PCDHGB4: variants seen among roughly 807,000 people sequenced by gnomAD.
The protein encoded by PCDHGB4 is protocadherin gamma-B4.
Under a neutral mutation model 60.5 loss-of-function variants are expected in PCDHGB4, and 38 were observed. That is an observed-to-expected ratio of 0.63 (90% confidence interval 0.48 to 0.82). The LOEUF is 0.82. PCDHGB4 is among the 40% of genes least tolerant of loss of function. PCDHGB4 has a pLI of 0.00. For synonymous variants in PCDHGB4, 456 were observed against 509.7 expected (o/e 0.89, Z 1.42); for missense variants, 1,109 against 1,209.6 (o/e 0.92, Z 1.23).
intron 1 of PCDHGB4, chr5:141,428,285 C>G (rs765814584): frequency 1.1e-5 from 8 of 734,934 alleles, no homozygotes; most frequent in Non-Finnish European, 1.7e-5. Context: ...GATTCCCAAG[C>G]AAAGCTGCAG....
chr5:141,471,562 G>T (rs2099259935), intron 1 of PCDHGB4: 1 of 152,136 alleles, frequency 6.6e-6, no homozygotes, highest in Non-Finnish European at 1.5e-5. Flanking sequence ...TTGACTCAGG[G>T]GTAGCAGTAG....
intron 1 of PCDHGB4, chr5:141,394,386 A>T (rs765454423): frequency 1.2e-6 from 2 of 1,614,210 alleles, no homozygotes; most frequent in South Asian, 1.1e-5. Context: ...CTATGAGCAG[A>T]TCCGAGACCT....
At chr5:141,460,122 G>A (rs530307574) in intron 1 of PCDHGB4, among the ~76,000 whole-genome samples, 2 of 151,928 alleles carry the variant, frequency 1.3e-5, no homozygotes, top group African/African-American at 4.8e-5. Flanking sequence ...TTTTATATAT[G>A]TAATATATAT....
intron 2 of PCDHGB4, among the ~76,000 whole-genome samples, chr5:141,500,904 C>T (rs2099803610): frequency 6.6e-6 from 1 of 151,662 alleles, no homozygotes; most frequent in Non-Finnish European, 1.5e-5. Context: ...CAGTCTCGCT[C>T]TGTCTCCAGG....
intron 1 of PCDHGB4, chr5:141,423,381 G>T (rs2154550114): frequency 6.2e-7 from 1 of 1,614,204 alleles, no homozygotes; most frequent in East Asian, 2.2e-5. Flanking sequence ...TCAGGCTGTG[G>T]CGCTGGCATA....
At chr5:141,409,405 C>T in intron 1 of PCDHGB4, 1 of 1,614,050 alleles carries the variant, frequency 6.2e-7, no homozygotes, top group Non-Finnish European at 8.5e-7. Context: ...CCAATAACTA[C>T]TACAAACTGG....
At chr5:141,411,489 T>C (rs1229059443) in intron 1 of PCDHGB4, 1 of 152,090 alleles carries the variant, frequency 6.6e-6, no homozygotes, top group Non-Finnish European at 1.5e-5. Context: ...GAGGCTGAGC[T>C]GGGTGGATTG....
chr5:141,421,338 A>G (rs560707757), intron 1 of PCDHGB4: 2 of 1,613,966 alleles, frequency 1.2e-6, no homozygotes, highest in Non-Finnish European at 1.7e-6. Context: ...ATTCGGTGCC[A>G]GAAGAGACCG....
At chr5:141,427,999 T>C (rs1319115693) in intron 1 of PCDHGB4, 9 of 1,601,068 alleles carry the variant, frequency 5.6e-6, no homozygotes, top group African/African-American at 1.3e-5. Context: ...GGCTCCGCAC[T>C]CTTCGATATA....
Position 141,419,080 on chromosome 5 carries a change from T to G in PCDHGB4, c.2397+28799T>G, listed in dbSNP as rs1286490083. The G allele has an allele frequency of 3.1e-6, 5 of 1,613,842 alleles. No individual in the cohort carries two copies. The South Asian group carries it at 5.5e-5, about 18-fold the overall frequency. On this transcript the variant is annotated intron_variant, in intron 1 of 3. Transcript: ENST00000519479. ...ATAATTACTACAAGCTAGTAACAGA[T>G]GAGGCCCTGGATCGGGAGCAGACCC... is the stretch of plus-strand genomic sequence containing the variant.
chr5:141,417,721 C>A, intron 1 of PCDHGB4: 2 of 1,330,572 alleles, frequency 1.5e-6, no homozygotes, highest in Non-Finnish European at 2.0e-6. Context: ...CCCGGCTGCG[C>A]AGACCTTGCC....
Position 141,389,313 on chromosome 5 carries a change from C to A in PCDHGB4, c.1429C>A (p.Pro477Thr), listed in dbSNP as rs1279349887. The A allele has an allele frequency of 1.2e-6, 2 of 1,614,024 alleles. No homozygotes were observed. Among genetic ancestry groups the A allele is most frequent in the Admixed American group, 3.3e-5 (2 of 60,036 alleles). The change falls in exon 1 of 4, where the codon CCG (proline) becomes ACG (threonine). Residue 477 changes from proline (P) to threonine (T), a missense_variant. Transcript: ENST00000519479. ...TATTTCACAAGTCAGGGCTTCTGAT[C>A]CGGACTTGGGGCCCAACGGCCAAGT... ...ASISQVRASD[P>T]DLGPNGQVSY...
rs770623588 is a variant in PCDHGB4, at chr5:141,410,424, C to A, written c.2397+20143C>A. ...GTCAAGTCTGGACCTGTAGTTCCCC[C>A]CAACTACAGTGAGGGGACTTTGCCT... is the stretch of plus-strand genomic sequence containing the variant. On this transcript the variant is annotated intron_variant, in intron 1 of 3. Transcript: ENST00000519479. The A allele has an allele frequency of 1.1e-5, 17 of 1,613,852 alleles. No homozygotes were observed. In the East Asian group the frequency reaches 3.6e-4, roughly 34 times the overall value.
Position 141,432,038 on chromosome 5 carries a change from C to G in PCDHGB4, c.2397+41757C>G, listed in dbSNP as rs202246871. ...CAACATCACAGTGACCGCCACTGAC[C>G]GGGGAACCCCGCCCCTATCCACGGA... On this transcript the variant is annotated intron_variant, in intron 1 of 3. Transcript: ENST00000519479. This position sits in a 1 kb window ranked among gnomAD's most constrained non-coding sequence, Gnocchi z 6.0. 2 of 1,614,190 alleles carry G rather than the reference C, an allele frequency of 1.2e-6. No homozygotes were observed. The highest frequency in any genetic ancestry group is 8.5e-7 in the Non-Finnish European group (1 of 1,180,032).
chr5:141,409,230 A>G, intron 1 of PCDHGB4: 1 of 1,614,024 alleles, frequency 6.2e-7, no homozygotes. Context: ...GAAAACGACA[A>G]CAGCCCAGAA....
At chr5:141,461,603 G>A (rs1413122199) in intron 1 of PCDHGB4, among the ~76,000 whole-genome samples, 8 of 152,092 alleles carry the variant, frequency 5.3e-5, no homozygotes, top group African/African-American at 1.9e-4. Context: ...TTATAATTTA[G>A]TTCAAAGTAT....
chr5:141,446,528 G>A (rs2098505974), intron 1 of PCDHGB4, among the ~76,000 whole-genome samples: 1 of 151,952 alleles, frequency 6.6e-6, no homozygotes, highest in South Asian at 2.1e-4. Flanking sequence ...CCAGGCTGGA[G>A]TGCAGTGGCC....
At chr5:141,442,674 A>G (rs2098335634) in intron 1 of PCDHGB4, among the ~76,000 whole-genome samples, 1 of 152,272 alleles carries the variant, frequency 6.6e-6, no homozygotes, top group Non-Finnish European at 1.5e-5. Context: ...GGTGAGCTTG[A>G]GGGACAGTAG....
At position 141,487,448 on chromosome 5, in the gene PCDHGB4, C is replaced by T; in HGVS notation, c.2398-7359C>T. The stretch of plus-strand genomic sequence containing the variant: ...CCGAATCCAGCTAGGGTCAGATGAC[C>T]CTATCAAGTTTGTTGATGTGGGAGG... On this transcript the variant is annotated intron_variant, in intron 1 of 3. Coordinates refer to ENST00000519479, the MANE Select transcript of PCDHGB4 (RefSeq NM_003736.4). The surrounding 1 kb of genome is among the most constrained non-coding windows in gnomAD (Gnocchi z 5.0). 6.8e-6 allele frequency: 11 copies of T among 1,614,146 alleles called. No individual in the cohort carries two copies. The highest frequency in any genetic ancestry group is 9.3e-6 in the Non-Finnish European group (11 of 1,180,028).
Sources: allele counts gnomAD v4.1 joint callset (sites outside exome capture counted in the v4.1 genomes callset), GRCh38; gene constraint gnomAD v4.1.1; non-coding constraint Gnocchi (gnomAD v3.1); transcripts MANE v1.5; gene names NCBI Gene and HGNC (gene_info 2026-07-23, HGNC 2026-07-21).